The following RASSF5 variants were observed in gnomAD, a reference collection of about 807,000 sequenced individuals.
RASSF5 encodes ras association domain-containing protein 5.
A neutral mutation model predicts 40.5 loss-of-function variants in RASSF5; 25 were observed. The observed-to-expected ratio is 0.62, with a 90% CI of 0.45 to 0.86. RASSF5 has a LOEUF of 0.86. Ranked by LOEUF, RASSF5 falls within the 40% of genes least tolerant of loss-of-function variation. The pLI, the probability that RASSF5 is intolerant of heterozygous loss-of-function variation, is 0.00. For missense variants in RASSF5, 521 were observed against 572.8 expected (o/e 0.91, Z 0.92); for synonymous variants, 246 against 252.4 (o/e 0.97, Z 0.24).
intron 2 of RASSF5, among the ~76,000 whole-genome samples, chr1:206,573,922 A>C (rs1553404667): frequency 2.0e-5 from 3 of 152,272 alleles, no homozygotes; most frequent in African/African-American, 7.2e-5. Context: ...CATGGCCAGC[A>C]CAGGCCACCT....
chr1:206,575,069 T>G (rs1668591024), intron 2 of RASSF5, among the ~76,000 whole-genome samples: 1 of 151,990 alleles, frequency 6.6e-6, no homozygotes, highest in Non-Finnish European at 1.5e-5. Flanking sequence ...TTTCATTATG[T>G]TGCCCAGGCT....
intron 1 of RASSF5, among the ~76,000 whole-genome samples, chr1:206,528,492 A>G (rs1452083862): frequency 6.6e-6 from 1 of 152,162 alleles, no homozygotes; most frequent in East Asian, 1.9e-4. Flanking sequence ...GGTGTATGTC[A>G]TTATACATGT....
chr1:206,545,322 A>G (rs1667652830), intron 2 of RASSF5, among the ~76,000 whole-genome samples: 1 of 149,538 alleles, frequency 6.7e-6, no homozygotes, highest in East Asian at 2.0e-4. Flanking sequence ...TATTAGGTGC[A>G]TAAACTTTTA....
In RASSF5 at chr1:206,531,884, A is replaced by AT. The variant is rs1384158117; in HGVS notation, c.458-6288_458-6287insT. On this transcript the variant is annotated intron_variant, in intron 1 of 5. Coordinates refer to ENST00000579436, the MANE Select transcript of RASSF5 (RefSeq NM_182663.4). The surrounding 1 kb of genome is among the most constrained non-coding windows in gnomAD (Gnocchi z 4.7). ...AACCCTGTCTCTACTAAAAAAAAAT[A>AT]AATAAATAAATACAAAAATTAGCCA... Among the ~76,000 whole-genome samples, 4 of 127,124 alleles carry AT rather than the reference A, an allele frequency of 3.1e-5. No homozygotes were observed. Among genetic ancestry groups the AT allele is most frequent in the African/African-American group, 1.4e-4 (4 of 28,688 alleles). 83.4% of individuals were successfully genotyped at this position (127,124 alleles called of 152,430 possible). A position where few individuals can be genotyped will look rare whatever the true frequency, so the allele number is the denominator to read the frequency against.
Position 206,584,285 on chromosome 1 carries a change from C to A in RASSF5, c.691-102C>A. 2 of 1,174,494 alleles carry A rather than the reference C, an allele frequency of 1.7e-6. No homozygotes were observed. Among genetic ancestry groups the A allele is most frequent in the Non-Finnish European group, 1.2e-6 (1 of 838,796 alleles). 72.8% of individuals were successfully genotyped at this position (1,174,494 alleles called of 1,614,324 possible). A position where few individuals can be genotyped will look rare whatever the true frequency, so the allele number is the denominator to read the frequency against. On this transcript the variant is annotated intron_variant, in intron 3 of 5. Coordinates refer to ENST00000579436, the MANE Select transcript of RASSF5 (RefSeq NM_182663.4). This position sits in a 1 kb window ranked among gnomAD's most constrained non-coding sequence, Gnocchi z 4.9. ...ACGTCAGCAGAGGCAGGAAAGAACT[C>A]AAGGAGACAGGTGGGTGCTGCTGGG...
intron 2 of RASSF5, among the ~76,000 whole-genome samples, chr1:206,565,038 A>G (rs1668247626): frequency 6.6e-6 from 1 of 152,032 alleles, no homozygotes; most frequent in Admixed American, 6.6e-5. Flanking sequence ...CTAGAATGGC[A>G]TTTTCTACAG....
intron 2 of RASSF5, chr1:206,557,045 G>C: frequency 1.6e-6 from 1 of 639,568 alleles, no homozygotes; most frequent in Non-Finnish European, 2.0e-6. Context: ...TATATGACCT[G>C]CAGTTCCCTG....
intron 2 of RASSF5, among the ~76,000 whole-genome samples, chr1:206,569,317 T>C (rs1396512969): frequency 6.6e-6 from 1 of 152,006 alleles, no homozygotes; most frequent in African/African-American, 2.4e-5. Flanking sequence ...GTAAATCAGG[T>C]TTTAGTGGCA....
intron 2 of RASSF5, among the ~76,000 whole-genome samples, chr1:206,553,939 G>A (rs1553401398): frequency 6.6e-6 from 1 of 152,160 alleles, no homozygotes; most frequent in African/African-American, 2.4e-5. Context: ...CTAACAGTGT[G>A]GATATGTGCA....
At position 206,507,909 on chromosome 1, in the gene RASSF5, G is replaced by A. The variant is rs782281850; in HGVS notation, c.307G>A (p.Val103Met). 2.6e-6 allele frequency: 4 copies of A among 1,509,968 alleles called. No homozygotes were observed. Among genetic ancestry groups the A allele is most frequent in the South Asian group, 2.5e-5 (2 of 80,912 alleles). 93.5% of individuals were successfully genotyped at this position (1,509,968 alleles called of 1,614,324 possible). A position where few individuals can be genotyped will look rare whatever the true frequency, so the allele number is the denominator to read the frequency against. Reference protein sequence around the residue: ...RRPGAPRPRDVRSIFEQPQDP... With the variant: ...RRPGAPRPRDMRSIFEQPQDP... ...GCCTGGAGCGCCCCGACCCCGCGACGTGCGGAGCATCTTCGAGCAGCCGCA... is the reference window on the plus strand; with the variant it reads ...GCCTGGAGCGCCCCGACCCCGCGACATGCGGAGCATCTTCGAGCAGCCGCA... The change falls in exon 1 of 6, where the codon GTG becomes ATG. Residue 103 changes from valine to methionine, a missense_variant. By Grantham distance (21) the Val-to-Met change is conservative. Coordinates refer to ENST00000579436, the MANE Select transcript of RASSF5 (RefSeq NM_182663.4).
chr1:206,558,787 A>G (rs1182175487), intron 2 of RASSF5, among the ~76,000 whole-genome samples: 1 of 152,176 alleles, frequency 6.6e-6, no homozygotes, highest in Non-Finnish European at 1.5e-5. Flanking sequence ...GGCCCCTGTA[A>G]CTAGCACCTG....
intron 2 of RASSF5, among the ~76,000 whole-genome samples, chr1:206,547,793 A>G (rs1553400463): frequency 6.6e-6 from 1 of 152,136 alleles, no homozygotes; most frequent in African/African-American, 2.4e-5. Flanking sequence ...TAAATGGCCA[A>G]TTATATTTTA....
intron 2 of RASSF5, among the ~76,000 whole-genome samples, chr1:206,539,987 T>C (rs1037678880): frequency 1.3e-4 from 20 of 152,210 alleles, no homozygotes; most frequent in Non-Finnish European, 5.9e-5. Flanking sequence ...CTCCTCTTTG[T>C]GTCTCTTTCT....
intron 5 of RASSF5, 27 bp from the exon 6 acceptor site, chr1:206,586,799 C>T: frequency 6.3e-7 from 1 of 1,589,230 alleles, no homozygotes; most frequent in Non-Finnish European, 8.6e-7. Flanking sequence ...TCTGTTTCTT[C>T]CCACAAATCT....
chr1:206,531,977 G>C lies in RASSF5; in HGVS notation c.458-6195G>C, dbSNP rs782268544. Among the ~76,000 whole-genome samples the C allele has an allele frequency of 3.3e-5, 5 of 151,974 alleles. No individual in the cohort carries two copies. The highest frequency in any genetic ancestry group is 7.3e-5 in the African/African-American group (3 of 41,376). On this transcript the variant is annotated intron_variant, in intron 1 of 5. Transcript: ENST00000579436. This position sits in a 1 kb window ranked among gnomAD's most constrained non-coding sequence, Gnocchi z 4.7. ...TGAGGCAGGAGAATGGCGTGAACCC[G>C]GGAGGCGGAGCTTGCAGTGAGCCAA...
At position 206,574,617 on chromosome 1, in the gene RASSF5, G is replaced by A. The variant is rs114056425; in HGVS notation, c.580-8652G>A. Reference sequence around the variant, plus strand: ...CATGATAAAGCCCCTTCCCTGCTCTGCTGCAAATAACCTATTAGGGAACAC... The same window carrying A: ...CATGATAAAGCCCCTTCCCTGCTCTACTGCAAATAACCTATTAGGGAACAC... On this transcript the variant is annotated intron_variant, in intron 2 of 5. Coordinates refer to ENST00000579436, the MANE Select transcript of RASSF5 (RefSeq NM_182663.4). 4.2e-3 allele frequency among the ~76,000 whole-genome samples: 645 copies of A among 152,228 alleles called. 5 individuals carry two copies. Among genetic ancestry groups the A allele is most frequent in the African/African-American group, 0.015 (614 of 41,516 alleles).
Position 206,586,982 on chromosome 1 carries a change from G to A in RASSF5, c.*4G>A, listed in dbSNP as rs1553407803. 1.9e-6 allele frequency: 3 copies of A among 1,614,062 alleles called. 1 individual carries two copies. In the South Asian group the frequency reaches 3.3e-5, roughly 18 times the overall value. Reference sequence around the variant, plus strand: ...ATCCCAGGGCAAACCTGGGTAACCGGTCCTGCTTCCTCTCCTCCTGGTGCA... The same window carrying A: ...ATCCCAGGGCAAACCTGGGTAACCGATCCTGCTTCCTCTCCTCCTGGTGCA... On this transcript the variant is annotated 3_prime_UTR_variant, in exon 6 of 6. Coordinates refer to ENST00000579436, the MANE Select transcript of RASSF5 (RefSeq NM_182663.4).
At chr1:206,565,622 A>G (rs1668268543) in intron 2 of RASSF5, among the ~76,000 whole-genome samples, 2 of 152,188 alleles carry the variant, frequency 1.3e-5, no homozygotes, top group South Asian at 4.1e-4. Flanking sequence ...CCATCCATGA[A>G]GTGTTTGGAT....
intron 1 of RASSF5, among the ~76,000 whole-genome samples, chr1:206,516,480 G>A (rs1358260928): frequency 2.6e-5 from 4 of 151,432 alleles, no homozygotes; most frequent in African/African-American, 9.7e-5. Flanking sequence ...TTTTTGAGAT[G>A]GAGTCTCGTT....
Sources: gnomAD v4.1 joint callset for allele counts (sites outside exome capture counted in the v4.1 genomes callset) on GRCh38, gnomAD v4.1.1 for gene constraint, Gnocchi (gnomAD v3.1) non-coding constraint, MANE v1.5 for transcripts, NCBI Gene and HGNC (gene_info 2026-07-23, HGNC 2026-07-21) for gene names.